The following NUDC variants were observed in gnomAD, a reference collection of about 807,000 sequenced individuals.
The protein encoded by NUDC is nuclear migration protein nudC.
A neutral mutation model predicts 45.0 loss-of-function variants in NUDC; 14 were observed. The ratio of observed to expected loss-of-function variants is 0.31; its 90% CI spans 0.21 to 0.49. The LOEUF (loss-of-function observed/expected upper bound fraction) is 0.49, where lower values mean the gene tolerates loss of function less well. Ranked by LOEUF, NUDC falls within the 20% of genes least tolerant of loss-of-function variation. The pLI is 0.99. For synonymous variants in NUDC, 153 were observed against 156.7 expected, an observed-to-expected ratio of 0.98 and a Z score of 0.17; for missense variants, 323 against 426.2, an observed-to-expected ratio of 0.76 and a Z score of 2.13.
In NUDC at chr1:26,942,792, C is replaced by T. The variant is rs751240291; in HGVS notation, c.546+16C>T. ...GGAGCTGGACGTGAGTGTCAGGGAC[C>T]AGAGGTAAAGCTTAGGGGGCCAGCC... On this transcript the variant is annotated intron_variant, in intron 5 of 8. Transcript: ENST00000321265. 3 of 1,614,080 alleles carry T rather than the reference C, an allele frequency of 1.9e-6. No homozygotes were observed. The highest frequency in any genetic ancestry group is 2.7e-5 in the African/African-American group (2 of 74,942).
intron 2 of NUDC, among the ~76,000 whole-genome samples, chr1:26,904,986 G>A (rs575511256): frequency 7.9e-4 from 118 of 149,778 alleles, no homozygotes; most frequent in African/African-American, 2.6e-3. Flanking sequence ...ACAGGCATGC[G>A]CCACCACGCC....
chr1:26,933,908 A>G (rs1490274839), intron 2 of NUDC, among the ~76,000 whole-genome samples: 1 of 152,092 alleles, frequency 6.6e-6, no homozygotes, highest in Non-Finnish European at 1.5e-5. Flanking sequence ...TAATCCCACC[A>G]CTTTGGGTGG....
At chr1:26,900,447 G>A (rs778850981) in intron 1 of NUDC, 1 of 1,607,068 alleles carries the variant, frequency 6.2e-7, no homozygotes. Context: ...CGCCATCTTG[G>A]ATTGTCACAT....
At chr1:26,914,747 A>G (rs2082052216) in intron 3 of NUDC, among the ~76,000 whole-genome samples, 1 of 152,160 alleles carries the variant, frequency 6.6e-6, no homozygotes, top group Non-Finnish European at 1.5e-5. Flanking sequence ...AAGGGGGATC[A>G]TTTGAGGTCA....
At chr1:26,942,603 G>T (rs948972140) in intron 4 of NUDC, 57 bp from the exon 5 acceptor site, 1 of 1,611,994 alleles carries the variant, frequency 6.2e-7, no homozygotes, top group Admixed American at 1.7e-5. Context: ...CCCAGTGAGG[G>T]TTCAATCTGT....
At chr1:26,918,279 C>CT (rs749407425), upstream of NUDC, among the ~76,000 whole-genome samples, 1,059 of 113,790 alleles carry the variant, frequency 9.3e-3, 18 homozygotes, top group African/African-American at 0.022. Flanking sequence ...TCAAGTGATT[C>CT]TTTTTTTTTT....
intron 2 of NUDC, among the ~76,000 whole-genome samples, chr1:26,931,636 G>A (rs541056561): frequency 4.7e-5 from 7 of 150,028 alleles, no homozygotes; most frequent in Non-Finnish European, 8.9e-5. Flanking sequence ...AAAATTAGCC[G>A]GGCATGGTGG....
intron 2 of NUDC, among the ~76,000 whole-genome samples, chr1:26,903,688 T>A (rs1483985957): frequency 6.6e-6 from 1 of 151,910 alleles, no homozygotes; most frequent in East Asian, 1.9e-4. Context: ...GGCAACATAG[T>A]GAGACCCTGT....
intron 1 of NUDC, 102 bp downstream of exon 1, chr1:26,922,031 C>A: frequency 1.7e-6 from 2 of 1,207,546 alleles, no homozygotes; most frequent in Non-Finnish European, 2.4e-6. Context: ...GGCTCGCGGG[C>A]TTCTGGGATG....
At chr1:26,932,337 G>A (rs1179501052) in intron 2 of NUDC, among the ~76,000 whole-genome samples, 5 of 151,738 alleles carry the variant, frequency 3.3e-5, no homozygotes, top group South Asian at 2.1e-4. Context: ...CAACCATGCC[G>A]GGCTAATTAT....
chr1:26,915,017 T>TATATGTATATGTATATG (rs1557668269), intron 3 of NUDC, among the ~76,000 whole-genome samples: 4 of 88,770 alleles, frequency 4.5e-5, no homozygotes, highest in African/African-American at 1.5e-4. Context: ...ATATGTATAT[T>TATATGTATATGTATATG]TATATGTATA....
chr1:26,905,749 C>G (rs2082000414), intron 2 of NUDC, among the ~76,000 whole-genome samples: 1 of 152,174 alleles, frequency 6.6e-6, no homozygotes, highest in African/African-American at 2.4e-5. Flanking sequence ...GGTCAGCTCA[C>G]CCTTTCTGAA....
intron 2 of NUDC, among the ~76,000 whole-genome samples, chr1:26,934,718 G>C (rs2082212915): frequency 6.6e-6 from 1 of 150,570 alleles, no homozygotes; most frequent in African/African-American, 2.5e-5. Context: ...GGAGTGCAGT[G>C]GTGCAATCTG....
At chr1:26,941,700 C>G (rs745317597) in intron 3 of NUDC, 40 bp downstream of exon 3, 6 of 1,612,118 alleles carry the variant, frequency 3.7e-6, no homozygotes, top group South Asian at 1.1e-5. Flanking sequence ...TCAGATCCCC[C>G]CTGGCACTGA....
chr1:26,940,435 C>T (rs1023192474), intron 2 of NUDC, among the ~76,000 whole-genome samples: 1 of 149,840 alleles, frequency 6.7e-6, no homozygotes, highest in Non-Finnish European at 1.5e-5. Flanking sequence ...AAGATCACGC[C>T]ACTGCACTCC....
chr1:26,942,841 G>T, intron 5 of NUDC, 30 bp from the exon 6 acceptor site: 1 of 1,613,958 alleles, frequency 6.2e-7, no homozygotes. Context: ...GCACTTAGTG[G>T]CCTCTTCTGA....
intron 2 of NUDC, among the ~76,000 whole-genome samples, chr1:26,930,730 T>C (rs1257425696): frequency 3.0e-5 from 4 of 131,436 alleles, no homozygotes; most frequent in South Asian, 4.9e-4. Context: ...AAAAAAAAAA[T>C]AGTGGGCTGG....
At chr1:26,925,483 G>A (rs2082123995) in intron 2 of NUDC, among the ~76,000 whole-genome samples, 1 of 142,208 alleles carries the variant, frequency 7.0e-6, no homozygotes, top group Non-Finnish European at 1.5e-5. Context: ...GGAGCTTGCA[G>A]TGAGCCGAGA....
intron 2 of NUDC, among the ~76,000 whole-genome samples, chr1:26,903,471 C>T (rs2081988924): frequency 6.6e-6 from 1 of 152,040 alleles, no homozygotes; most frequent in African/African-American, 2.4e-5. Context: ...TTGTTTTACT[C>T]AATGTTTAAA....
Sources: gnomAD v4.1 joint callset for allele counts (sites outside exome capture counted in the v4.1 genomes callset) on GRCh38, gnomAD v4.1.1 for gene constraint, MANE v1.5 for transcripts, NCBI Gene and HGNC (gene_info 2026-07-23, HGNC 2026-07-21) for gene names.